Variants in FBXW2 observed in about 807,000 individuals in gnomAD.
FBXW2 encodes F-box/WD repeat-containing protein 2.
Under a neutral mutation model 46.0 loss-of-function variants are expected in FBXW2, and 12 were observed. The observed-to-expected ratio is 0.26, with a 90% CI of 0.17 to 0.42. The LOEUF is 0.42. FBXW2 is among the 10% of genes least tolerant of loss of function. The pLI is 1.00. For missense variants in FBXW2, 360 were observed against 537.0 expected (o/e 0.67, Z 3.26); for synonymous variants, 203 against 209.6 (o/e 0.97, Z 0.27).
At chr9:120,780,354 C>CAA (rs564191309) in intron 3 of FBXW2, among the ~76,000 whole-genome samples, 4 of 65,520 alleles carry the variant, frequency 6.1e-5, no homozygotes, top group East Asian at 4.5e-4. Context: ...GACTCTGTTT[C>CAA]AAAAAAAAAA....
chr9:120,757,303 A>T lies in FBXW2; in HGVS notation c.*7256T>A, dbSNP rs2131247075. 6.6e-6 allele frequency: 1 copy of T among 152,320 alleles called. No homozygotes were observed. The highest frequency in any genetic ancestry group is 3.4e-3 in the Middle Eastern group (1 of 294). The allele number at this position is 152,320 out of a possible 1,614,324, so 9.4% of individuals were successfully genotyped here. On this transcript the variant is annotated 3_prime_UTR_variant, in exon 8 of 8. Transcript: ENST00000608872. ...GTGGTTAGACAAGTGTTCACTTCATAACTATTCGACAAAACTGTGTGTTGT... is the reference window on the plus strand; with the variant it reads ...GTGGTTAGACAAGTGTTCACTTCATTACTATTCGACAAAACTGTGTGTTGT...
At chr9:120,792,675 A>C (rs1235842215) in intron 2 of FBXW2, 1 of 269,026 alleles carries the variant, frequency 3.7e-6, no homozygotes, top group Non-Finnish European at 7.4e-6. Context: ...AAATCACTTC[A>C]CCTGTCTCAT....
chr9:120,774,692 T>A (rs1477565861), intron 5 of FBXW2, among the ~76,000 whole-genome samples: 1 of 152,236 alleles, frequency 6.6e-6, no homozygotes, highest in Non-Finnish European at 1.5e-5. Flanking sequence ...CTGTATCCAC[T>A]TGTGCCCAAC....
chr9:120,790,105 T>C (rs2044804231), intron 2 of FBXW2, among the ~76,000 whole-genome samples: 1 of 152,162 alleles, frequency 6.6e-6, no homozygotes, highest in Non-Finnish European at 1.5e-5. Context: ...AATAATAATT[T>C]GCAACAAGAC....
chr9:120,784,211 GTAGT>G (rs2044672397), intron 3 of FBXW2, among the ~76,000 whole-genome samples: 1 of 151,946 alleles, frequency 6.6e-6, no homozygotes, highest in African/African-American at 2.4e-5. Context: ...AACTTTCCAG[GTAGT>G]TAGAGAATTC....
intron 2 of FBXW2, among the ~76,000 whole-genome samples, chr9:120,789,612 C>G (rs563680358): frequency 6.6e-6 from 1 of 152,294 alleles, no homozygotes; most frequent in South Asian, 2.1e-4. Context: ...CAGTTTCTCA[C>G]AAGACTGTCA....
chr9:120,768,179 C>CA, intron 7 of FBXW2, among the ~76,000 whole-genome samples: 1 of 152,186 alleles, frequency 6.6e-6, no homozygotes, highest in South Asian at 2.1e-4. Context: ...ACTGTACACC[C>CA]ACTCCTGGTA....
rs1190827062 is a variant in FBXW2 at position 120,759,883 on chromosome 9, G to A, written c.*4676C>T. The stretch of plus-strand genomic sequence containing the variant: ...ACAGCAAAACAGCTTTTTGCACTGA[G>A]CGTGACCATTCAGTCTGATTAGGCT... On this transcript the variant is annotated 3_prime_UTR_variant, in exon 8 of 8. Coordinates refer to ENST00000608872, the MANE Select transcript of FBXW2 (RefSeq NM_012164.4). The A allele has an allele frequency of 1.3e-5, 2 of 152,308 alleles. No homozygotes were observed. Among genetic ancestry groups the A allele is most frequent in the Admixed American group, 1.3e-4 (2 of 15,290 alleles). 9.4% of individuals were successfully genotyped at this position (152,308 alleles called of 1,614,324 possible).
intron 3 of FBXW2, among the ~76,000 whole-genome samples, chr9:120,780,389 TTAAA>T (rs1432675751): frequency 6.6e-6 from 1 of 151,836 alleles, no homozygotes; most frequent in Non-Finnish European, 1.5e-5. Flanking sequence ...GTTAAAATAA[TTAAA>T]TGTGTTTAAC....
At chr9:120,775,855 G>T (rs1483817580) in intron 5 of FBXW2, among the ~76,000 whole-genome samples, 1 of 151,910 alleles carries the variant, frequency 6.6e-6, no homozygotes, top group Non-Finnish European at 1.5e-5. Context: ...TGTTTTATTT[G>T]CCCCCTCTAT....
At chr9:120,791,343 G>A (rs1424349857) in intron 2 of FBXW2, among the ~76,000 whole-genome samples, 1 of 152,222 alleles carries the variant, frequency 6.6e-6, no homozygotes, top group Non-Finnish European at 1.5e-5. Flanking sequence ...GTTGGACACA[G>A]AGGCAGAATG....
rs753288842 is a variant in FBXW2, at chr9:120,787,852, T to C, written c.407A>G (p.His136Arg). The change falls in exon 3 of 8, where the codon CAT becomes CGT. Residue 136 changes from histidine to arginine, a missense_variant. Coordinates refer to ENST00000608872, the MANE Select transcript of FBXW2 (RefSeq NM_012164.4). ...TAATGACGAGGTTTCAAAGGCTTCA[T>C]GGTCCTCCAGTTGCTTCATTCTCAA... ...AILRMKQLED[H>R]EAFETSSLIG... 3.7e-6 allele frequency: 6 copies of C among 1,614,122 alleles called. No homozygotes were observed. Among genetic ancestry groups the C allele is most frequent in the Non-Finnish European group, 5.1e-6 (6 of 1,180,054 alleles).
At chr9:120,789,119 C>A (rs1377279794) in intron 2 of FBXW2, among the ~76,000 whole-genome samples, 1 of 152,014 alleles carries the variant, frequency 6.6e-6, no homozygotes, top group Non-Finnish European at 1.5e-5. Flanking sequence ...ATCATCTTCA[C>A]TTTGCAAATG....
chr9:120,764,440 A>G lies in FBXW2; in HGVS notation c.*119T>C. 8.7e-7 allele frequency: 1 copy of G among 1,142,906 alleles called. No individual in the cohort carries two copies. Among genetic ancestry groups the G allele is most frequent in the Non-Finnish European group, 1.3e-6 (1 of 794,106 alleles). 70.8% of individuals were successfully genotyped at this position (1,142,906 alleles called of 1,614,324 possible). A position where few individuals can be genotyped will look rare whatever the true frequency, so the allele number is the denominator to read the frequency against. On this transcript the variant is annotated 3_prime_UTR_variant, in exon 8 of 8. Coordinates refer to ENST00000608872, the MANE Select transcript of FBXW2 (RefSeq NM_012164.4). Reference sequence around the variant, plus strand: ...GCAAAACATAGATAAATGATTGTGCACTGCGTGATGATACCATTAGGTGAG... The same window carrying G: ...GCAAAACATAGATAAATGATTGTGCGCTGCGTGATGATACCATTAGGTGAG...
At position 120,763,079 on chromosome 9, in the gene FBXW2, A is replaced by C. The variant is rs1487096125; in HGVS notation, c.*1480T>G. The C allele has an allele frequency of 6.6e-6, 1 of 152,188 alleles. No individual in the cohort carries two copies. Among genetic ancestry groups the C allele is most frequent in the Non-Finnish European group, 1.5e-5 (1 of 68,030 alleles). The allele number at this position is 152,188 out of a possible 1,614,324, so 9.4% of individuals were successfully genotyped here. A position where few individuals can be genotyped will look rare whatever the true frequency, so the allele number is the denominator to read the frequency against. Reference sequence around the variant, plus strand: ...GCTCACCTTATTTCAAATTTTCTTTAATCAGTTGTAACGTTTTAAAAATCC... The same window carrying C: ...GCTCACCTTATTTCAAATTTTCTTTCATCAGTTGTAACGTTTTAAAAATCC... On this transcript the variant is annotated 3_prime_UTR_variant, in exon 8 of 8. Coordinates refer to ENST00000608872, the MANE Select transcript of FBXW2 (RefSeq NM_012164.4).
At chr9:120,771,876 T>G (rs939273711) in intron 6 of FBXW2, among the ~76,000 whole-genome samples, 2 of 151,638 alleles carry the variant, frequency 1.3e-5, no homozygotes, top group Non-Finnish European at 2.9e-5. Context: ...CTGGCCAACA[T>G]GGTGAAACCC....
Position 120,758,428 on chromosome 9 carries a change from G to A in FBXW2, c.*6131C>T, listed in dbSNP as rs1368120774. 5 of 152,212 alleles carry A rather than the reference G, an allele frequency of 3.3e-5. No individual in the cohort carries two copies. The highest frequency in any genetic ancestry group is 1.3e-4 in the Admixed American group (2 of 15,238). 9.4% of individuals were successfully genotyped at this position (152,212 alleles called of 1,614,324 possible). A position where few individuals can be genotyped will look rare whatever the true frequency, so the allele number is the denominator to read the frequency against. On this transcript the variant is annotated 3_prime_UTR_variant, in exon 8 of 8. Transcript: ENST00000608872. ...CCAGATGTGCCCTGATGGTAACGGA[G>A]AGTTACCAAGATTGAACAAGAGCAA...
At chr9:120,782,217 C>A (rs570796807) in intron 3 of FBXW2, among the ~76,000 whole-genome samples, 2 of 151,744 alleles carry the variant, frequency 1.3e-5, no homozygotes, top group Non-Finnish European at 2.9e-5. Context: ...GCCTGTAATC[C>A]CAGAACTTTG....
chr9:120,767,033 G>A (rs1048546481), intron 7 of FBXW2, among the ~76,000 whole-genome samples: 1 of 152,182 alleles, frequency 6.6e-6, no homozygotes, highest in South Asian at 2.1e-4. Context: ...TATAACAGGA[G>A]TATCAAGGAG....
Sources: gnomAD v4.1 joint callset for allele counts (sites outside exome capture counted in the v4.1 genomes callset) on GRCh38, gnomAD v4.1.1 for gene constraint, MANE v1.5 for transcripts, NCBI Gene and HGNC (gene_info 2026-07-23, HGNC 2026-07-21) for gene names.